The following ITGA1 variants were observed in gnomAD, a reference collection of about 807,000 sequenced individuals.
The protein encoded by ITGA1 is integrin alpha-1.
Under a neutral mutation model 145.9 loss-of-function variants are expected in ITGA1, and 85 were observed. That is an observed-to-expected ratio of 0.58 (90% CI 0.49 to 0.70). The LOEUF (loss-of-function observed/expected upper bound fraction) is 0.70. ITGA1 is among the 30% of genes least tolerant of loss of function. The pLI is 0.00. For synonymous variants in ITGA1, 520 were observed against 495.3 expected, an observed-to-expected ratio of 1.05 and a Z score of -0.66; for missense variants, 1,351 against 1,418.7, an observed-to-expected ratio of 0.95 and a Z score of 0.77.
intron 18 of ITGA1, 31 bp downstream of exon 18, chr5:52,922,918 C>T: frequency 7.9e-7 from 1 of 1,273,778 alleles, no homozygotes; most frequent in Non-Finnish European, 1.1e-6. Context: ...ATACAAAATA[C>T]CAACTTGTGA....
intron 18 of ITGA1, 68 bp from the exon 19 acceptor site, chr5:52,925,210 A>G (rs1750785257): frequency 8.2e-7 from 1 of 1,224,306 alleles, no homozygotes; most frequent in Admixed American, 1.8e-5. Flanking sequence ...TTTGTTACAC[A>G]AATTGATGGG....
At chr5:52,850,754 T>G (rs529428886) in intron 2 of ITGA1, among the ~76,000 whole-genome samples, 1 of 152,216 alleles carries the variant, frequency 6.6e-6, no homozygotes, top group Non-Finnish European at 1.5e-5. Flanking sequence ...ATATCTCAGA[T>G]GACAAACCCA....
intron 11 of ITGA1, among the ~76,000 whole-genome samples, chr5:52,901,018 T>A (rs1750305950): frequency 6.6e-6 from 1 of 152,222 alleles, no homozygotes; most frequent in South Asian, 2.1e-4. Context: ...ACCCATACTT[T>A]GCATGGCAAA....
At chr5:52,849,304 C>T in intron 1 of ITGA1, 61 bp from the exon 2 acceptor site, 6 of 1,448,202 alleles carry the variant, frequency 4.1e-6, no homozygotes, top group Non-Finnish European at 5.6e-6. Flanking sequence ...CCTTCCATAA[C>T]TCAAAACATG....
intron 15 of ITGA1, 92 bp downstream of exon 15, chr5:52,915,686 T>C: frequency 6.9e-7 from 1 of 1,456,918 alleles, no homozygotes; most frequent in South Asian, 1.3e-5. Flanking sequence ...CAAATATCTA[T>C]TTCCTTTTGT....
intron 6 of ITGA1, among the ~76,000 whole-genome samples, chr5:52,868,557 T>G (rs1386955832): frequency 6.6e-6 from 1 of 152,060 alleles, no homozygotes; most frequent in Non-Finnish European, 1.5e-5. Context: ...CCTGCCAGAG[T>G]GGGCAACATG....
chr5:52,883,921 A>C (rs1750005192), intron 7 of ITGA1, among the ~76,000 whole-genome samples: 1 of 152,166 alleles, frequency 6.6e-6, no homozygotes, highest in Non-Finnish European at 1.5e-5. Context: ...GCCAGCCCTG[A>C]GTTTAGAACA....
At chr5:52,809,615 G>A (rs374409844) in intron 1 of ITGA1, among the ~76,000 whole-genome samples, 4 of 148,484 alleles carry the variant, frequency 2.7e-5, no homozygotes, top group African/African-American at 7.5e-5. Flanking sequence ...AGCAATTCTC[G>A]TGCCTCACCC....
At chr5:52,814,937 T>C (rs1049289223) in intron 1 of ITGA1, among the ~76,000 whole-genome samples, 1 of 152,184 alleles carries the variant, frequency 6.6e-6, no homozygotes, top group African/African-American at 2.4e-5. Context: ...AGGCCACTTA[T>C]ATCTCTTATC....
chr5:52,879,621 T>C (rs1226914335), intron 6 of ITGA1, among the ~76,000 whole-genome samples: 4 of 152,370 alleles, frequency 2.6e-5, no homozygotes, highest in South Asian at 4.1e-4. Context: ...TCACATTTTA[T>C]TATAAATAAA....
At chr5:52,949,912 T>C (rs1411156441) in intron 28 of ITGA1, among the ~76,000 whole-genome samples, 1 of 152,182 alleles carries the variant, frequency 6.6e-6, no homozygotes, top group Non-Finnish European at 1.5e-5. Context: ...CCCTTCTTCC[T>C]TCCTTTCCTG....
intron 1 of ITGA1, among the ~76,000 whole-genome samples, chr5:52,790,351 A>G (rs1748214536): frequency 1.3e-5 from 2 of 152,190 alleles, no homozygotes; most frequent in South Asian, 4.1e-4. Flanking sequence ...TACTACTCCT[A>G]TGTCAGTTTC....
Position 52,954,600 on chromosome 5 carries a change from T to A in ITGA1, c.*2149T>A, listed in dbSNP as rs533308219. On this transcript the variant is annotated 3_prime_UTR_variant, in exon 29 of 29. Transcript: ENST00000282588. ...TGAACCAGAAGTCCTGTTTCTCTAATATTATAATTTGTTGAGGTTTGTGTG... is the reference window on the plus strand; with the variant it reads ...TGAACCAGAAGTCCTGTTTCTCTAAAATTATAATTTGTTGAGGTTTGTGTG... 5.1e-4 allele frequency: 75 copies of A among 147,840 alleles called. No homozygotes were observed. Among genetic ancestry groups the A allele is most frequent in the African/African-American group, 1.8e-3 (73 of 40,444 alleles). The allele number at this position is 147,840 out of a possible 1,614,324, so 9.2% of individuals were successfully genotyped here.
intron 28 of ITGA1, among the ~76,000 whole-genome samples, chr5:52,948,163 T>C (rs1751162819): frequency 6.6e-6 from 1 of 152,208 alleles, no homozygotes; most frequent in African/African-American, 2.4e-5. Context: ...AGCAGCTGTA[T>C]AATTTTCACA....
At chr5:52,924,577 T>C (rs931983270) in intron 18 of ITGA1, among the ~76,000 whole-genome samples, 3 of 152,164 alleles carry the variant, frequency 2.0e-5, no homozygotes, top group Non-Finnish European at 4.4e-5. Flanking sequence ...AGCAGTGCAG[T>C]GCTTTTGAAG....
At chr5:52,912,931 A>G (rs1187127179) in intron 14 of ITGA1, among the ~76,000 whole-genome samples, 1 of 151,878 alleles carries the variant, frequency 6.6e-6, no homozygotes, top group Non-Finnish European at 1.5e-5. Flanking sequence ...CATTTTTAGT[A>G]GAGACGGGGT....
chr5:52,955,930 C>A lies in ITGA1; in HGVS notation c.*3479C>A, dbSNP rs979911723. On this transcript the variant is annotated 3_prime_UTR_variant, in exon 29 of 29. Transcript: ENST00000282588. ...ACCATAATAATTTTATCTATAAATGCGTATATACATATATATATATATATA... is the reference window on the plus strand; with the variant it reads ...ACCATAATAATTTTATCTATAAATGAGTATATACATATATATATATATATA... 4 of 95,582 alleles carry A rather than the reference C, an allele frequency of 4.2e-5. No individual in the cohort carries two copies. The South Asian group carries it at 1.4e-3, about 33-fold the overall frequency. The allele number at this position is 95,582 out of a possible 1,614,324, so 5.9% of individuals were successfully genotyped here. A position where few individuals can be genotyped will look rare whatever the true frequency, so the allele number is the denominator to read the frequency against.
At chr5:52,855,185 A>G (rs1432247340) in intron 2 of ITGA1, among the ~76,000 whole-genome samples, 1 of 152,202 alleles carries the variant, frequency 6.6e-6, no homozygotes, top group Non-Finnish European at 1.5e-5. Flanking sequence ...AGTATGTCAC[A>G]GGGTCAGGAT....
chr5:52,804,451 AT>A (rs1341535254), intron 1 of ITGA1, among the ~76,000 whole-genome samples: 1 of 152,116 alleles, frequency 6.6e-6, no homozygotes, highest in African/African-American at 2.4e-5. Context: ...AAGATTGTTG[AT>A]CTTGGATTTC....
Sources: gnomAD v4.1 joint callset for allele counts (sites outside exome capture counted in the v4.1 genomes callset) on GRCh38, gnomAD v4.1.1 for gene constraint, MANE v1.5 for transcripts, NCBI Gene and HGNC (gene_info 2026-07-23, HGNC 2026-07-21) for gene names.